Variants in FBXL22 observed in about 807,000 individuals in gnomAD.
FBXL22 encodes F-box and leucine rich repeat protein 22, also known as F-box and leucine-rich protein 22.
FBXL22 carries 13 observed loss-of-function variants against 11.7 expected under a neutral mutation model. That is an observed-to-expected ratio of 1.11 (90% CI 0.73 to 1.77). The LOEUF (loss-of-function observed/expected upper bound fraction) is 1.77. Among genes scored for constraint, FBXL22 ranks in the 40% most tolerant of loss-of-function variants. The pLI is 0.00. For missense variants in FBXL22, 406 were observed against 320.4 expected, an observed-to-expected ratio of 1.27 and a Z score of -2.04; for synonymous variants, 160 against 144.1, an observed-to-expected ratio of 1.11 and a Z score of -0.79.
At chr15:63,601,976 T>C (rs772607839), downstream of FBXL22, 4 of 390,434 alleles carry the variant, frequency 1.0e-5, no homozygotes, top group Non-Finnish European at 1.4e-5. Context: ...GTGTCACATT[T>C]AGTGAAGGCT....
downstream of FBXL22, chr15:63,602,438 T>C (rs2067385104): frequency 6.6e-6 from 1 of 151,532 alleles, no homozygotes; most frequent in African/African-American, 2.4e-5. Flanking sequence ...ATACAAAAAA[T>C]TAGCCGGGCG....
intron 1 of FBXL22, chr15:63,599,277 G>C (rs950608269): frequency 2.6e-5 from 39 of 1,513,508 alleles, no homozygotes; most frequent in Non-Finnish European, 5.3e-6. Context: ...GGCTGGGCAG[G>C]GGGACAGTCC....
downstream of FBXL22, among the ~76,000 whole-genome samples, chr15:63,605,261 G>T (rs1343970295): frequency 6.6e-6 from 1 of 152,180 alleles, no homozygotes; most frequent in Admixed American, 6.5e-5. Context: ...TTGAGGGGGT[G>T]TTCTTGAGTG....
At position 63,597,808 on chromosome 15, in the gene FBXL22, C is replaced by A; in HGVS notation, c.353+63C>A. The A allele has an allele frequency of 6.9e-7, 1 of 1,440,742 alleles. No individual in the cohort carries two copies. Among genetic ancestry groups the A allele is most frequent in the East Asian group, 2.4e-5 (1 of 42,344 alleles). The allele number at this position is 1,440,742 out of a possible 1,614,324, so 89.2% of individuals were successfully genotyped here. On this transcript the variant is annotated intron_variant, in intron 1 of 1. Coordinates refer to ENST00000638704, the MANE Select transcript of FBXL22 (RefSeq NM_001367807.1). This position sits in a 1 kb window ranked among gnomAD's most constrained non-coding sequence, Gnocchi z 4.3. ...TAGCTCTGGCTTCCCTCTTGGGGGG[C>A]AGGGAAGAGCAAATTACGAGACCAA... is the stretch of plus-strand genomic sequence containing the variant.
downstream of FBXL22, among the ~76,000 whole-genome samples, chr15:63,605,979 C>T (rs569554724): frequency 6.6e-6 from 1 of 152,320 alleles, no homozygotes; most frequent in African/African-American, 2.4e-5. Context: ...GGAGGTGGTG[C>T]TCTGAGGCTT....
At chr15:63,604,729 G>A (rs2067405149), downstream of FBXL22, among the ~76,000 whole-genome samples, 1 of 152,180 alleles carries the variant, frequency 6.6e-6, no homozygotes, top group Non-Finnish European at 1.5e-5. Flanking sequence ...GGGAGGGCAT[G>A]GAATCTCCGT....
At chr15:63,606,454 T>C (rs2152689463), downstream of FBXL22, among the ~76,000 whole-genome samples, 1 of 152,310 alleles carries the variant, frequency 6.6e-6, no homozygotes, top group East Asian at 1.9e-4. Flanking sequence ...AACAACTGCC[T>C]AAGCCTCTCT....
chr15:63,601,495 A>G (rs1566930122), downstream of FBXL22: 1 of 1,546,172 alleles, frequency 6.5e-7, no homozygotes, highest in Non-Finnish European at 8.7e-7. Flanking sequence ...ACCCAGCGAG[A>G]CCCCGCCGGC....
At chr15:63,601,431 G>C, downstream of FBXL22, 1 of 1,586,824 alleles carries the variant, frequency 6.3e-7, no homozygotes. Flanking sequence ...GCTCGGGGGT[G>C]ACGGGGGCCA....
At position 63,601,075 on chromosome 15, in the gene FBXL22, A is replaced by C; in HGVS notation, c.*36A>C. On this transcript the variant is annotated 3_prime_UTR_variant, in exon 2 of 2. Coordinates refer to ENST00000638704, the MANE Select transcript of FBXL22 (RefSeq NM_001367807.1). ...GCCGCTGCCCCCGGGGAAGGAGCGC[A>C]GCCCCAGACCGTCCTGGCTTCGAAC... 2 of 1,235,230 alleles carry C rather than the reference A, an allele frequency of 1.6e-6. No homozygotes were observed. Among genetic ancestry groups the C allele is most frequent in the Non-Finnish European group, 2.0e-6 (2 of 989,774 alleles). 76.5% of individuals were successfully genotyped at this position (1,235,230 alleles called of 1,614,324 possible).
At chr15:63,606,178 T>G (rs1016949581), downstream of FBXL22, among the ~76,000 whole-genome samples, 2 of 152,204 alleles carry the variant, frequency 1.3e-5, no homozygotes, top group Admixed American at 1.3e-4. Flanking sequence ...GCAGAGATCA[T>G]CTGACCCCTT....
chr15:63,607,150 A>G (rs2067423655), downstream of FBXL22, among the ~76,000 whole-genome samples: 1 of 148,862 alleles, frequency 6.7e-6, no homozygotes, highest in Non-Finnish European at 1.5e-5. Flanking sequence ...GGTTCATGCC[A>G]TTCTCCTGCC....
At chr15:63,608,094 T>C in the FBXL22 span, among the ~76,000 whole-genome samples, 1 of 152,262 alleles carries the variant, frequency 6.6e-6, no homozygotes, top group Non-Finnish European at 1.5e-5. Context: ...TGATACATGC[T>C]AAGTGCCTGC....
At chr15:63,600,017 TC>T in intron 1 of FBXL22, 1 of 985,600 alleles carries the variant, frequency 1.0e-6, no homozygotes, top group Non-Finnish European at 1.2e-6. Flanking sequence ...CAGCAGAGGG[TC>T]CCCCAAGCTT....
chr15:63,600,625 A>T, intron 1 of FBXL22, 72 bp from the exon 2 acceptor site: 1 of 1,230,660 alleles, frequency 8.1e-7, no homozygotes, highest in Non-Finnish European at 1.0e-6. Flanking sequence ...AAATGAGTCC[A>T]CTCGGTCCCA....
rs2067300277 is a variant in FBXL22, at chr15:63,597,942, TC to T, written c.353+199del. 6.6e-6 allele frequency among the ~76,000 whole-genome samples: 1 copy of T among 152,196 alleles called. No individual in the cohort carries two copies. The highest frequency in any genetic ancestry group is 1.5e-5 in the Non-Finnish European group (1 of 68,024). Reference sequence around the variant, plus strand: ...AAATCATGAGGGAAACAATTGCTAATCCTCCTCTTAGCCTCACAGGTCCTGG... The same window carrying T: ...AAATCATGAGGGAAACAATTGCTAATCTCCTCTTAGCCTCACAGGTCCTGG... On this transcript the variant is annotated intron_variant, in intron 1 of 1. Transcript: ENST00000638704. The surrounding 1 kb of genome is among the most constrained non-coding windows in gnomAD (Gnocchi z 4.3).
chr15:63,599,668 A>C (rs2152688437), intron 1 of FBXL22: 1 of 988,246 alleles, frequency 1.0e-6, no homozygotes, highest in Non-Finnish European at 1.2e-6. Flanking sequence ...CCGAGCTGGC[A>C]CAGCCAGGGG....
At chr15:63,600,629 G>A in intron 1 of FBXL22, 68 bp from the exon 2 acceptor site, 2 of 1,230,768 alleles carry the variant, frequency 1.6e-6, no homozygotes, top group East Asian at 3.2e-5. Flanking sequence ...GAGTCCACTC[G>A]GTCCCATGGG....
Position 63,600,987 on chromosome 15 carries a change from C to T in FBXL22, c.644C>T (p.Pro215Leu). ...EHSAAMLPDQ[P>L]PRPRAPAAAL... ...AGCGCCGCCATGCTGCCCGACCAGC[C>T]CCCGCGCCCGCGCGCGCCCGCCGCG... The change falls in exon 2 of 2, where the codon CCC (proline) becomes CTC (leucine). Residue 215 changes from proline (P) to leucine (L), a missense_variant. Pro to Leu is a moderately conservative substitution (Grantham distance 98). Transcript: ENST00000638704. The T allele has an allele frequency of 8.4e-7, 1 of 1,191,322 alleles. No homozygotes were observed. Among genetic ancestry groups the T allele is most frequent in the Non-Finnish European group, 1.0e-6 (1 of 962,382 alleles). The allele number at this position is 1,191,322 out of a possible 1,614,324, so 73.8% of individuals were successfully genotyped here.
Sources: gnomAD v4.1 joint callset for allele counts (sites outside exome capture counted in the v4.1 genomes callset) on GRCh38, gnomAD v4.1.1 for gene constraint, Gnocchi (gnomAD v3.1) non-coding constraint, MANE v1.5 for transcripts, NCBI Gene and HGNC (gene_info 2026-07-23, HGNC 2026-07-21) for gene names.